The following EFL1 variants were observed in gnomAD, a reference collection of about 807,000 sequenced individuals.
The protein encoded by EFL1 is elongation factor like GTPase 1.
A neutral mutation model predicts 126.7 loss-of-function variants in EFL1; 76 were observed. That is an observed-to-expected ratio of 0.60 (90% confidence interval 0.50 to 0.73). The LOEUF (loss-of-function observed/expected upper bound fraction) is 0.73. EFL1 is among the 30% of genes least tolerant of loss of function. EFL1 has a pLI of 0.00. For missense variants in EFL1, 1,128 were observed against 1,343.2 expected (o/e 0.84, Z 2.50); for synonymous variants, 410 against 448.4 (o/e 0.91, Z 1.08).
intron 14 of EFL1, among the ~76,000 whole-genome samples, chr15:82,217,530 A>G (rs1162207773): frequency 2.2e-5 from 2 of 92,370 alleles, no homozygotes; most frequent in Non-Finnish European, 5.5e-5. Context: ...TCACAAAGTT[A>G]AAAAAAAAAA....
intron 6 of EFL1, 42 bp downstream of exon 6, chr15:82,240,373 CTCT>C (rs2074918271): frequency 6.5e-7 from 1 of 1,535,926 alleles, no homozygotes; most frequent in African/African-American, 1.4e-5. Flanking sequence ...TTCCTTACAA[CTCT>C]TCTTCGTGGC....
chr15:82,139,660 T>C (rs143023936), intron 18 of EFL1, among the ~76,000 whole-genome samples: 2 of 152,370 alleles, frequency 1.3e-5, no homozygotes, highest in East Asian at 3.9e-4. Context: ...CAGACAATCA[T>C]GAAGGACTTG....
intron 13 of EFL1, 68 bp downstream of exon 13, chr15:82,220,010 G>A: frequency 6.6e-7 from 1 of 1,523,132 alleles, no homozygotes; most frequent in South Asian, 1.3e-5. Context: ...AAGAACTAAA[G>A]GATGAGTGTC....
intron 16 of EFL1, among the ~76,000 whole-genome samples, chr15:82,159,081 C>T (rs763308556): frequency 7.9e-5 from 12 of 152,266 alleles, no homozygotes; most frequent in South Asian, 2.1e-4. Context: ...CAAGGGAAGA[C>T]GGAAAGTGGG....
chr15:82,231,684 C>T (rs1252981498), intron 7 of EFL1, among the ~76,000 whole-genome samples: 1 of 124,802 alleles, frequency 8.0e-6, no homozygotes, highest in Non-Finnish European at 1.8e-5. Flanking sequence ...AGGATATCCC[C>T]AGTTTTTTCC....
At chr15:82,216,006 TA>T (rs748537865) in intron 14 of EFL1, among the ~76,000 whole-genome samples, 4 of 152,096 alleles carry the variant, frequency 2.6e-5, no homozygotes, top group Non-Finnish European at 5.9e-5. Flanking sequence ...ACGGATAAAT[TA>T]TAATTAGTGA....
chr15:82,174,645 G>A (rs986244371), intron 15 of EFL1, among the ~76,000 whole-genome samples: 2 of 152,120 alleles, frequency 1.3e-5, no homozygotes, highest in African/African-American at 4.8e-5. Flanking sequence ...ATCTGATAGG[G>A]AACTGGAATG....
At chr15:82,154,849 G>T (rs562333216) in intron 17 of EFL1, among the ~76,000 whole-genome samples, 58 of 152,214 alleles carry the variant, frequency 3.8e-4, no homozygotes, top group Non-Finnish European at 6.8e-4. Context: ...GCAGCCTCGA[G>T]CTCCTGGGCT....
rs527695082 is a variant in EFL1, at chr15:82,135,463, A to G, written c.3174+3195T>C. Among the ~76,000 whole-genome samples the G allele has an allele frequency of 5.9e-5, 9 of 152,310 alleles. No homozygotes were observed. In the South Asian group the frequency reaches 1.9e-3, roughly 32 times the overall value. On this transcript the variant is annotated intron_variant, in intron 19 of 19. Coordinates refer to ENST00000268206, the MANE Select transcript of EFL1 (RefSeq NM_024580.6). Reference sequence around the variant, plus strand: ...TAATAGATATTTCAGGTAGGCATATAGCCACCTAGAGTCCGAAGGTGGGGG... The same window carrying G: ...TAATAGATATTTCAGGTAGGCATATGGCCACCTAGAGTCCGAAGGTGGGGG...
rs762534271 is a variant in EFL1 at position 82,220,059 on chromosome 15, C to G, written c.1444+19G>C. 2 of 1,581,994 alleles carry G rather than the reference C, an allele frequency of 1.3e-6. No homozygotes were observed. The highest frequency in any genetic ancestry group is 2.4e-5 in the South Asian group (2 of 85,052). ...AAAGGCAAATACTTTGCAACAGAGC[C>G]TACTTAGGAAAGCTATACCTCTTGG... On this transcript the variant is annotated intron_variant, in intron 13 of 19. Coordinates refer to ENST00000268206, the MANE Select transcript of EFL1 (RefSeq NM_024580.6).
chr15:82,138,428 GT>G (rs1567036574), intron 19 of EFL1, among the ~76,000 whole-genome samples: 14 of 142,142 alleles, frequency 9.8e-5, no homozygotes, highest in Non-Finnish European at 1.4e-4. Context: ...GAGAGAGAGT[GT>G]ATGTGTGTGT....
At chr15:82,135,512 G>A (rs2073711420) in intron 19 of EFL1, among the ~76,000 whole-genome samples, 1 of 152,128 alleles carries the variant, frequency 6.6e-6, no homozygotes, top group Non-Finnish European at 1.5e-5. Flanking sequence ...TAAAGAGCCA[G>A]ACAGTAAATA....
At chr15:82,200,772 C>A (rs577336772) in intron 15 of EFL1, among the ~76,000 whole-genome samples, 28 of 152,332 alleles carry the variant, frequency 1.8e-4, no homozygotes, top group African/African-American at 6.7e-4. Context: ...AAGAAATGTT[C>A]AGACCAAGAA....
At chr15:82,153,350 T>C (rs1383822978) in intron 17 of EFL1, among the ~76,000 whole-genome samples, 1 of 152,176 alleles carries the variant, frequency 6.6e-6, no homozygotes, top group Non-Finnish European at 1.5e-5. Context: ...TATTCAAACC[T>C]GACAAAGACA....
chr15:82,164,236 C>T (rs968359488), intron 15 of EFL1, among the ~76,000 whole-genome samples: 5 of 151,992 alleles, frequency 3.3e-5, no homozygotes, highest in Non-Finnish European at 7.4e-5. Context: ...TGGGCTAATG[C>T]ATAGCTACTT....
intron 14 of EFL1, 27 bp from the exon 15 acceptor site, chr15:82,214,882 A>T: frequency 6.3e-7 from 1 of 1,593,302 alleles, no homozygotes; most frequent in South Asian, 1.1e-5. Flanking sequence ...GATGGAAGAC[A>T]AGTTAGGAGG....
chr15:82,259,309 G>A (rs2075092771), intron 2 of EFL1, among the ~76,000 whole-genome samples, 154 bp from the exon 3 acceptor site: 1 of 152,146 alleles, frequency 6.6e-6, no homozygotes, highest in African/African-American at 2.4e-5. Context: ...TTAGACTTTT[G>A]AACAGAATAT....
Position 82,232,766 on chromosome 15 carries a change from G to A in EFL1, c.732-1795C>T, listed in dbSNP as rs1405892556. Among the ~76,000 whole-genome samples the A allele has an allele frequency of 3.9e-5, 6 of 151,904 alleles. No individual in the cohort carries two copies. In the East Asian group the frequency reaches 1.2e-3, roughly 29 times the overall value. ...TATCTCTTTTATGTAGCAAACTTATGGATTTATTTTTTTAATAAAATTTCC... is the reference window on the plus strand; with the variant it reads ...TATCTCTTTTATGTAGCAAACTTATAGATTTATTTTTTTAATAAAATTTCC... On this transcript the variant is annotated intron_variant, in intron 7 of 19. Transcript: ENST00000268206.
chr15:82,160,956 G>C (rs903329694), intron 16 of EFL1, among the ~76,000 whole-genome samples: 3 of 152,156 alleles, frequency 2.0e-5, no homozygotes, highest in South Asian at 2.1e-4. Context: ...ATACAGCAAG[G>C]TTCAATTATA....
Sources: allele counts gnomAD v4.1 joint callset (sites outside exome capture counted in the v4.1 genomes callset), GRCh38; gene constraint gnomAD v4.1.1; transcripts MANE v1.5; gene names NCBI Gene and HGNC (gene_info 2026-07-23, HGNC 2026-07-21).